Variants in ZNF365 observed in about 807,000 individuals in gnomAD.
ZNF365 encodes the protein zinc finger protein 365.
Under a neutral mutation model 35.0 loss-of-function variants are expected in ZNF365, and 22 were observed. The observed-to-expected ratio is 0.63, with a 90% CI of 0.45 to 0.90. The LOEUF is 0.90. Among genes scored for constraint, ZNF365 ranks in the 40% least tolerant of loss-of-function variants. The pLI, the probability that ZNF365 is intolerant of heterozygous loss-of-function variation, is 0.00. For synonymous variants in ZNF365, 188 were observed against 196.2 expected (o/e 0.96, Z 0.35); for missense variants, 448 against 500.3 (o/e 0.90, Z 1.00).
At chr10:62,441,450 G>C (rs950286006) in intron 3 of ZNF365, among the ~76,000 whole-genome samples, 1 of 152,076 alleles carries the variant, frequency 6.6e-6, no homozygotes, top group African/African-American at 2.4e-5. Flanking sequence ...TTATTTTATA[G>C]ATAAGAAAAT....
chr10:62,411,218 G>A (rs910247880), intron 3 of ZNF365, among the ~76,000 whole-genome samples: 37 of 152,084 alleles, frequency 2.4e-4, no homozygotes, highest in African/African-American at 6.0e-4. Context: ...ATTTTCTCCC[G>A]TTTTGTAAGT....
At chr10:62,392,096 TG>T (rs1839640573) in intron 3 of ZNF365, among the ~76,000 whole-genome samples, 1 of 152,220 alleles carries the variant, frequency 6.6e-6, no homozygotes, top group South Asian at 2.1e-4. Flanking sequence ...CTGATGGGAT[TG>T]TTTTTTTCTT....
chr10:62,478,075 A>G (rs570906004), intron 4 of ZNF365, among the ~76,000 whole-genome samples: 2 of 152,298 alleles, frequency 1.3e-5, no homozygotes, highest in East Asian at 3.9e-4. Flanking sequence ...TTTGGACTTC[A>G]CCTTTACTGC....
Position 62,401,518 on chromosome 10 carries a change from G to A in ZNF365, c.*1729G>A. 1.0e-6 allele frequency: 1 copy of A among 985,398 alleles called. No individual in the cohort carries two copies. The highest frequency in any genetic ancestry group is 1.2e-6 in the Non-Finnish European group (1 of 829,874). 61.0% of individuals were successfully genotyped at this position (985,398 alleles called of 1,614,324 possible). ...GGTAGATCATTCATGTGATATATAA[G>A]CAGCTATCAAGTGGGCAAAAACATT... is the stretch of plus-strand genomic sequence containing the variant. On this transcript the variant is annotated 3_prime_UTR_variant, in exon 5 of 5. Coordinates refer to ENST00000395254, the MANE Select transcript of ZNF365 (RefSeq NM_014951.3).
At chr10:62,472,395 T>A (rs1027446437) in intron 4 of ZNF365, among the ~76,000 whole-genome samples, 4 of 152,202 alleles carry the variant, frequency 2.6e-5, no homozygotes, top group African/African-American at 9.7e-5. Flanking sequence ...AGATGGCATC[T>A]TTGCAGAAGT....
At position 62,472,846 on chromosome 10, in the gene ZNF365, A is replaced by G. The variant is rs573514751; in HGVS notation, c.982-7030A>G. On this transcript the variant is annotated intron_variant, in intron 4 of 4. Coordinates refer to the ZNF365 transcript ENST00000395255. ...TTTAGTCTTTCCTAATTGTTGATGA[A>G]TGGGTAATATGGATATGGGGAAAAT... 2.0e-5 allele frequency among the ~76,000 whole-genome samples: 3 copies of G among 152,260 alleles called. No individual in the cohort carries two copies. The South Asian group carries it at 6.2e-4, about 32-fold the overall frequency.
At position 62,388,588 on chromosome 10, in the gene ZNF365, C is replaced by CG. The variant is rs1564569922; in HGVS notation, c.924+15dup. Reference sequence around the variant, plus strand: ...TCAGCGGGCACGTGGTGAGTCACCCCGGGCCAGCCACCGAGTGTAAGATCC... The same window carrying CG: ...TCAGCGGGCACGTGGTGAGTCACCCCGGGGCCAGCCACCGAGTGTAAGATCC... On this transcript the variant is annotated intron_variant, in intron 3 of 4. Transcript: ENST00000395254. 2 of 1,612,618 alleles carry CG rather than the reference C, an allele frequency of 1.2e-6. No homozygotes were observed. Among genetic ancestry groups the CG allele is most frequent in the South Asian group, 1.1e-5 (1 of 90,998 alleles).
intron 3 of ZNF365, among the ~76,000 whole-genome samples, chr10:62,413,368 G>T (rs958648779): frequency 6.6e-6 from 1 of 152,164 alleles, no homozygotes; most frequent in African/African-American, 2.4e-5. Context: ...GAGAAAAAAA[G>T]TATGCAAATG....
chr10:62,390,093 TG>T (rs1839602639), intron 3 of ZNF365, among the ~76,000 whole-genome samples: 1 of 152,048 alleles, frequency 6.6e-6, no homozygotes, highest in African/African-American at 2.4e-5. Flanking sequence ...GGTGCCCAGA[TG>T]TGAGGTGAAA....
chr10:62,434,847 C>T (rs1388880318), intron 3 of ZNF365, among the ~76,000 whole-genome samples: 1 of 152,180 alleles, frequency 6.6e-6, no homozygotes, highest in Non-Finnish European at 1.5e-5. Flanking sequence ...GAAAACTCAT[C>T]AATCATACAT....
intron 2 of ZNF365, 96 bp from the exon 3 acceptor site, chr10:62,388,300 A>C: frequency 7.3e-7 from 1 of 1,377,552 alleles, no homozygotes. Flanking sequence ...CTAGGGTGTT[A>C]ACTGACAAAT....
chr10:62,452,014 T>C (rs1249369864), intron 3 of ZNF365, among the ~76,000 whole-genome samples: 1 of 152,232 alleles, frequency 6.6e-6, no homozygotes, highest in Non-Finnish European at 1.5e-5. Flanking sequence ...ATAAGAACCA[T>C]TACTATTCCT....
chr10:62,448,193 G>A (rs1840621424), intron 3 of ZNF365, among the ~76,000 whole-genome samples: 1 of 152,060 alleles, frequency 6.6e-6, no homozygotes, highest in Admixed American at 6.6e-5. Flanking sequence ...GTTTACAGTG[G>A]GCTTTCTTTT....
chr10:62,435,044 C>A (rs1312413921), intron 3 of ZNF365, among the ~76,000 whole-genome samples: 5 of 152,048 alleles, frequency 3.3e-5, no homozygotes, highest in African/African-American at 1.2e-4. Flanking sequence ...TAAAATCTGA[C>A]AAATAAATAA....
At chr10:62,447,571 G>A (rs1840610951) in intron 3 of ZNF365, among the ~76,000 whole-genome samples, 2 of 152,204 alleles carry the variant, frequency 1.3e-5, no homozygotes, top group African/African-American at 2.4e-5. Flanking sequence ...AGAATGGCAA[G>A]GAGGGACCTC....
intron 3 of ZNF365, among the ~76,000 whole-genome samples, chr10:62,446,212 C>T (rs573867662): frequency 6.6e-6 from 1 of 152,282 alleles, no homozygotes; most frequent in Non-Finnish European, 1.5e-5. Flanking sequence ...ATTCAGGTTT[C>T]CAGTCCCTGC....
chr10:62,467,472 A>G (rs1190218514), intron 4 of ZNF365, among the ~76,000 whole-genome samples: 4 of 152,240 alleles, frequency 2.6e-5, no homozygotes, highest in Non-Finnish European at 4.4e-5. Flanking sequence ...TCTTGAGAGA[A>G]ACAATCTGTT....
chr10:62,456,021 G>A (rs1229155683), intron 3 of ZNF365, among the ~76,000 whole-genome samples: 19 of 152,132 alleles, frequency 1.2e-4, no homozygotes, highest in Admixed American at 1.2e-3. Flanking sequence ...CCACTACAGC[G>A]TTGTCCAACT....
At chr10:62,468,885 C>T (rs532297493) in intron 4 of ZNF365, among the ~76,000 whole-genome samples, 1 of 152,292 alleles carries the variant, frequency 6.6e-6, no homozygotes, top group South Asian at 2.1e-4. Context: ...GTGCCCAGAT[C>T]AACTGTAGAA....
Sources: gnomAD v4.1 joint callset for allele counts (sites outside exome capture counted in the v4.1 genomes callset) on GRCh38, gnomAD v4.1.1 for gene constraint, MANE v1.5 for transcripts, NCBI Gene and HGNC (gene_info 2026-07-23, HGNC 2026-07-21) for gene names.